Variants in TSHZ2 observed in about 807,000 individuals in gnomAD.
TSHZ2 encodes teashirt zinc finger homeobox 2.
In TSHZ2, 21 loss-of-function variants were observed where a neutral mutation model predicts 74.4. The ratio of observed to expected loss-of-function variants is 0.28; its 90% CI spans 0.20 to 0.41. TSHZ2 has a LOEUF of 0.41. Among genes scored for constraint, TSHZ2 ranks in the 10% least tolerant of loss-of-function variants. TSHZ2 has a pLI of 1.00. For synonymous variants in TSHZ2, 540 were observed against 515.3 expected, an observed-to-expected ratio of 1.05 and a Z score of -0.65; for missense variants, 1,244 against 1,293.5, an observed-to-expected ratio of 0.96 and a Z score of 0.59.
intron 2 of TSHZ2, among the ~76,000 whole-genome samples, chr20:53,387,750 A>G (rs368196037): frequency 6.6e-6 from 1 of 152,138 alleles, no homozygotes; most frequent in South Asian, 2.1e-4. Context: ...GAAAATGATA[A>G]CTTAAAAGAT....
chr20:53,294,016 C>CA (rs935202294), intron 2 of TSHZ2, among the ~76,000 whole-genome samples: 6 of 151,718 alleles, frequency 4.0e-5, no homozygotes, highest in South Asian at 2.1e-4. Context: ...GACTCCATCT[C>CA]AAAAAAAATA....
At chr20:53,015,990 C>T (rs1600647040) in intron 1 of TSHZ2, among the ~76,000 whole-genome samples, 1 of 152,112 alleles carries the variant, frequency 6.6e-6, no homozygotes, top group South Asian at 2.1e-4. Context: ...AATAATCATG[C>T]CCTGCCTCTG....
chr20:53,111,769 C>T (rs1017120324), intron 1 of TSHZ2, among the ~76,000 whole-genome samples: 1 of 152,194 alleles, frequency 6.6e-6, no homozygotes, highest in Non-Finnish European at 1.5e-5. Context: ...ATGCAGACCC[C>T]AGATCGAGCC....
Position 53,253,930 on chromosome 20 carries a change from C to T in TSHZ2, c.472C>T (p.Arg158Ter). ...TAGTGAGAGGAGGAACTGTGACACC[C>T]GAAACGGCAGCAACAAGAGTGATTT... ...SNSERRNCDT[R>*]NGSNKSDFDW... The change falls in exon 2 of 3, where the codon CGA becomes TGA. Residue 158 changes from arginine (R) to a stop codon, truncating the protein, a stop_gained. Transcript: ENST00000371497. LOFTEE classifies it high-confidence loss of function. 1 of 1,614,166 alleles carries T rather than the reference C, an allele frequency of 6.2e-7. No homozygotes were observed. Among genetic ancestry groups the T allele is most frequent in the Non-Finnish European group, 8.5e-7 (1 of 1,180,028 alleles).
intron 2 of TSHZ2, among the ~76,000 whole-genome samples, chr20:53,291,267 T>A (rs899227398): frequency 1.3e-5 from 2 of 151,320 alleles, no homozygotes; most frequent in African/African-American, 4.9e-5. Context: ...AGGTCAGGAG[T>A]TCGAGACCAG....
chr20:53,249,454 G>C (rs1353351293), intron 1 of TSHZ2, among the ~76,000 whole-genome samples: 1 of 152,094 alleles, frequency 6.6e-6, no homozygotes, highest in Non-Finnish European at 1.5e-5. Flanking sequence ...TAAACAAATG[G>C]GTTTATTTCA....
chr20:53,462,008 G>A (rs1204885329), intron 2 of TSHZ2, among the ~76,000 whole-genome samples: 1 of 152,000 alleles, frequency 6.6e-6, no homozygotes, highest in Non-Finnish European at 1.5e-5. Context: ...AAGGAAGGCG[G>A]ATCACTTGAG....
At chr20:53,071,501 A>AT (rs1352365903) in intron 1 of TSHZ2, among the ~76,000 whole-genome samples, 7 of 152,226 alleles carry the variant, frequency 4.6e-5, no homozygotes, top group African/African-American at 1.7e-4. Context: ...CAAAGCAGTC[A>AT]TTTTTCTTCC....
chr20:53,303,330 T>G (rs1192538547), intron 2 of TSHZ2, among the ~76,000 whole-genome samples: 1 of 152,198 alleles, frequency 6.6e-6, no homozygotes, highest in Non-Finnish European at 1.5e-5. Flanking sequence ...AGAGAAACTG[T>G]TTTTCAGTTA....
chr20:53,445,979 C>A (rs1568920813), intron 2 of TSHZ2, among the ~76,000 whole-genome samples: 1 of 152,134 alleles, frequency 6.6e-6, no homozygotes, highest in Non-Finnish European at 1.5e-5. Context: ...CTGGTTTGGT[C>A]CCACCTCTTC....
chr20:53,290,571 A>T (rs1419087980), intron 2 of TSHZ2, among the ~76,000 whole-genome samples: 3 of 152,176 alleles, frequency 2.0e-5, no homozygotes, highest in Non-Finnish European at 2.9e-5. Context: ...CCATATTTTT[A>T]AACACTTTTA....
At chr20:53,095,054 A>G (rs1985999076) in intron 1 of TSHZ2, among the ~76,000 whole-genome samples, 2 of 152,222 alleles carry the variant, frequency 1.3e-5, no homozygotes, top group Non-Finnish European at 2.9e-5. Context: ...AGAAAACCCA[A>G]CGCAAAATGG....
rs61445726 is a variant in TSHZ2 at position 53,033,651 on chromosome 20, C to CTTTTTTT, written c.40+60337_40+60343dup. Among the ~76,000 whole-genome samples, 90 of 59,014 alleles carry CTTTTTTT rather than the reference C, an allele frequency of 1.5e-3. 7 individuals are homozygous for CTTTTTTT. In the East Asian group the frequency reaches 0.016, roughly 10 times the overall value. 38.7% of individuals were successfully genotyped at this position (59,014 alleles called of 152,430 possible). Reference sequence around the variant, plus strand: ...GCCCTCTGCATTGATTGATAAAAAGCTTTTTTTTTTTTTTTTTTTTTTTTT... The same window carrying CTTTTTTT: ...GCCCTCTGCATTGATTGATAAAAAGCTTTTTTTTTTTTTTTTTTTTTTTTTTTTTTTT... On this transcript the variant is annotated intron_variant, in intron 1 of 2. Coordinates refer to ENST00000371497, the MANE Select transcript of TSHZ2 (RefSeq NM_173485.6).
chr20:53,422,505 A>G (rs1983510979), intron 2 of TSHZ2, among the ~76,000 whole-genome samples: 1 of 152,198 alleles, frequency 6.6e-6, no homozygotes, highest in South Asian at 2.1e-4. Context: ...CCTTCTCAAG[A>G]AGAAGAGAGT....
At chr20:53,020,482 C>A (rs1983202813) in intron 1 of TSHZ2, among the ~76,000 whole-genome samples, 1 of 152,180 alleles carries the variant, frequency 6.6e-6, no homozygotes, top group African/African-American at 2.4e-5. Context: ...CACAAAAAAC[C>A]ACCTTCGTTT....
At chr20:53,446,407 C>CA (rs34010689) in intron 2 of TSHZ2, among the ~76,000 whole-genome samples, 1,351 of 127,428 alleles carry the variant, frequency 0.011, 19 homozygotes, top group African/African-American at 0.026. Flanking sequence ...ACTAAAAATA[C>CA]AAAAAAAAAA....
chr20:53,120,254 A>T (rs1007242699), intron 1 of TSHZ2, among the ~76,000 whole-genome samples: 2 of 152,210 alleles, frequency 1.3e-5, no homozygotes, highest in Admixed American at 6.5e-5. Flanking sequence ...CTTTTCAAGC[A>T]ATTTTTTCAC....
chr20:52,998,020 CAG>C (rs1491158577), intron 1 of TSHZ2, among the ~76,000 whole-genome samples: 1 of 152,174 alleles, frequency 6.6e-6, no homozygotes, highest in Admixed American at 6.5e-5. Context: ...AGAGGATGCT[CAG>C]GGGGGGATTC....
In TSHZ2 at chr20:53,472,099, G is replaced by A. The variant is rs879377186; in HGVS notation, c.*9-15045G>A. ...GGACTACAGGTGTGAGCCCGCGCCC[G>A]GCCAGGCCATTGACAGATTCTAAGC... On this transcript the variant is annotated intron_variant, in intron 2 of 2. Coordinates refer to ENST00000371497, the MANE Select transcript of TSHZ2 (RefSeq NM_173485.6). Among the ~76,000 whole-genome samples the A allele has an allele frequency of 2.8e-4, 42 of 152,194 alleles. 1 individual carries two copies. The highest frequency in any genetic ancestry group is 4.1e-4 in the South Asian group (2 of 4,820).
Sources: gnomAD v4.1 joint callset for allele counts (sites outside exome capture counted in the v4.1 genomes callset) on GRCh38, gnomAD v4.1.1 for gene constraint, MANE v1.5 for transcripts, NCBI Gene and HGNC (gene_info 2026-07-23, HGNC 2026-07-21) for gene names.